Variants in DOCK3 observed in about 807,000 individuals in gnomAD.
DOCK3 encodes the protein dedicator of cytokinesis protein 3.
DOCK3 carries 60 observed loss-of-function variants against 265.6 expected under a neutral mutation model. The observed-to-expected ratio is 0.23, with a 90% CI of 0.18 to 0.28. DOCK3 has a LOEUF of 0.28. Ranked by LOEUF, DOCK3 falls within the 10% of genes least tolerant of loss-of-function variation. DOCK3 has a pLI of 1.00. For missense variants in DOCK3, 1,981 were observed against 2,594.3 expected (o/e 0.76, Z 5.14); for synonymous variants, 881 against 938.0 (o/e 0.94, Z 1.11).
chr3:50,864,815 C>T (rs1000522935), intron 3 of DOCK3, among the ~76,000 whole-genome samples: 6 of 151,816 alleles, frequency 4.0e-5, no homozygotes, highest in Admixed American at 3.9e-4. Flanking sequence ...TGTTTTTATG[C>T]CAGTCATGCT....
At chr3:51,070,308 G>A (rs928391602) in intron 6 of DOCK3, among the ~76,000 whole-genome samples, 2 of 152,168 alleles carry the variant, frequency 1.3e-5, no homozygotes, top group African/African-American at 2.4e-5. Context: ...ACAACTACTT[G>A]TAGCCATTAT....
At chr3:51,335,283 C>T (rs1352791225) in intron 35 of DOCK3, among the ~76,000 whole-genome samples, 1 of 151,854 alleles carries the variant, frequency 6.6e-6, no homozygotes, top group African/African-American at 2.4e-5. Context: ...AGAAGTACCA[C>T]TGCTAGGATT....
At chr3:51,341,843 T>C (rs1031925) in intron 38 of DOCK3, among the ~76,000 whole-genome samples, 135,340 of 152,298 alleles carry the variant, frequency 0.89, 60,294 homozygotes, top group African/African-American at 0.94. Flanking sequence ...ATTTCCCTTC[T>C]CTACAGCACA....
chr3:51,326,560 G>A (rs890311390), intron 32 of DOCK3, among the ~76,000 whole-genome samples: 1 of 151,644 alleles, frequency 6.6e-6, no homozygotes, highest in Admixed American at 6.6e-5. Context: ...GATTACAGGC[G>A]TGAGCCCCCA....
intron 47 of DOCK3, among the ~76,000 whole-genome samples, chr3:51,361,000 G>A (rs2086698042): frequency 6.6e-6 from 1 of 152,236 alleles, no homozygotes. Context: ...GTAGAGCCAA[G>A]TGGCTGGAGT....
rs555052085 is a variant in DOCK3 at position 50,703,258 on chromosome 3, A to G, written c.37+27958A>G. Among the ~76,000 whole-genome samples, 7 of 152,198 alleles carry G rather than the reference A, an allele frequency of 4.6e-5. No homozygotes were observed. The South Asian group carries it at 1.5e-3, about 32-fold the overall frequency. ...TATTTGGTTTGCAAGTATTTTGTTG[A>G]GGATTTTTGCATCTATGTTTATCAA... On this transcript the variant is annotated intron_variant, in intron 1 of 52. Transcript: ENST00000266037.
chr3:51,242,353 A>G (rs1354339252), intron 21 of DOCK3, among the ~76,000 whole-genome samples: 1 of 152,058 alleles, frequency 6.6e-6, no homozygotes, highest in African/African-American at 2.4e-5. Context: ...GGGTGGTATA[A>G]GCCAAAGTGG....
intron 19 of DOCK3, among the ~76,000 whole-genome samples, chr3:51,231,094 G>C (rs1223010683): frequency 6.8e-6 from 1 of 147,316 alleles, no homozygotes; most frequent in Non-Finnish European, 1.5e-5. Context: ...TTTCTCTGCA[G>C]CTTCGCCAGC....
At chr3:50,694,574 C>T (rs981867171) in intron 1 of DOCK3, among the ~76,000 whole-genome samples, 2 of 152,128 alleles carry the variant, frequency 1.3e-5, no homozygotes, top group African/African-American at 2.4e-5. Flanking sequence ...TTTGGGAGGC[C>T]AAAGCGGGCA....
chr3:51,128,410 C>T (rs1056770176), intron 9 of DOCK3, among the ~76,000 whole-genome samples: 3 of 152,186 alleles, frequency 2.0e-5, no homozygotes, highest in Non-Finnish European at 4.4e-5. Context: ...TTCCACTGTT[C>T]TATTGATCCA....
intron 5 of DOCK3, among the ~76,000 whole-genome samples, chr3:50,945,737 TTATA>T (rs1307791639): frequency 1.3e-5 from 2 of 152,268 alleles, no homozygotes; most frequent in African/African-American, 2.4e-5. Context: ...TTTTGCACCT[TTATA>T]TATTCAGATT....
At chr3:50,947,876 T>A (rs942301481) in intron 5 of DOCK3, among the ~76,000 whole-genome samples, 5 of 149,244 alleles carry the variant, frequency 3.4e-5, no homozygotes, top group African/African-American at 1.2e-4. Context: ...TTTTTTTTTT[T>A]ATGGAGTCTT....
Position 51,381,618 on chromosome 3 carries a change from T to C in DOCK3, c.*59T>C. ...TAAGCAGCTTGCCAATCACTCCAGG[T>C]CTGAAAAGCAAGTCCCCCAGCCCCA... is the stretch of plus-strand genomic sequence containing the variant. On this transcript the variant is annotated 3_prime_UTR_variant, in exon 53 of 53. Transcript: ENST00000266037. The surrounding 1 kb of genome is among the most constrained non-coding windows in gnomAD (Gnocchi z 5.6). The C allele has an allele frequency of 2.8e-6, 4 of 1,442,542 alleles. No homozygotes were observed. In the South Asian group the frequency reaches 5.9e-5, roughly 21 times the overall value. 89.4% of individuals were successfully genotyped at this position (1,442,542 alleles called of 1,614,324 possible). A position where few individuals can be genotyped will look rare whatever the true frequency, so the allele number is the denominator to read the frequency against.
At chr3:51,010,315 A>T (rs1026760620) in intron 5 of DOCK3, among the ~76,000 whole-genome samples, 3 of 152,232 alleles carry the variant, frequency 2.0e-5, no homozygotes, top group African/African-American at 7.2e-5. Context: ...TATTTGGTGC[A>T]TATACATTTA....
chr3:51,345,882 T>A (rs993459371), intron 38 of DOCK3, among the ~76,000 whole-genome samples: 2 of 152,228 alleles, frequency 1.3e-5, no homozygotes, highest in East Asian at 3.8e-4. Context: ...CTGAAATATT[T>A]ACCGGTGAAA....
At chr3:50,772,536 T>C (rs1022729340) in intron 1 of DOCK3, among the ~76,000 whole-genome samples, 1 of 152,226 alleles carries the variant, frequency 6.6e-6, no homozygotes, top group African/African-American at 2.4e-5. Flanking sequence ...TGTATGCCTG[T>C]ATCAAAACAT....
At chr3:51,020,778 T>G (rs926668006) in intron 5 of DOCK3, among the ~76,000 whole-genome samples, 1 of 151,982 alleles carries the variant, frequency 6.6e-6, no homozygotes, top group Non-Finnish European at 1.5e-5. Flanking sequence ...CAGATAGTTG[T>G]AGGTGTGCAG....
intron 1 of DOCK3, among the ~76,000 whole-genome samples, chr3:50,698,964 G>A (rs114554694): frequency 0.011 from 1,697 of 152,018 alleles, 32 homozygotes; most frequent in Non-Finnish European, 0.012. Context: ...TTTTCACTTC[G>A]TTGGTAGTTT....
intron 5 of DOCK3, among the ~76,000 whole-genome samples, chr3:51,056,164 G>A (rs924820199): frequency 2.0e-5 from 3 of 152,116 alleles, no homozygotes; most frequent in African/African-American, 7.2e-5. Context: ...TCTATCTTTT[G>A]TACTCAGTTG....
Sources: allele counts gnomAD v4.1 joint callset (sites outside exome capture counted in the v4.1 genomes callset), GRCh38; gene constraint gnomAD v4.1.1; non-coding constraint Gnocchi (gnomAD v3.1); transcripts MANE v1.5; gene names NCBI Gene and HGNC (gene_info 2026-07-23, HGNC 2026-07-21).